Variants in NUP58 observed in about 807,000 individuals in gnomAD.
NUP58 encodes nucleoporin 58.
NUP58 carries 17 observed loss-of-function variants against 70.1 expected under a neutral mutation model. That is an observed-to-expected ratio of 0.24 (90% CI 0.17 to 0.36). The LOEUF is 0.36. Among genes scored for constraint, NUP58 ranks in the 10% least tolerant of loss-of-function variants. NUP58 has a pLI of 1.00. For missense variants in NUP58, 644 were observed against 701.5 expected, an observed-to-expected ratio of 0.92 and a Z score of 0.93; for synonymous variants, 275 against 257.6, an observed-to-expected ratio of 1.07 and a Z score of -0.65.
At chr13:25,336,889 C>T in intron 13 of NUP58, 47 bp from the exon 14 acceptor site, 1 of 1,197,902 alleles carries the variant, frequency 8.3e-7, no homozygotes, top group South Asian at 1.4e-5. Context: ...AAGAGTAAGG[C>T]AAATTTGTTT....
In NUP58 at chr13:25,341,028, C is replaced by T. The variant is rs1057415081; in HGVS notation, c.*894C>T. On this transcript the variant is annotated 3_prime_UTR_variant, in exon 16 of 16. Coordinates refer to ENST00000381736, the MANE Select transcript of NUP58 (RefSeq NM_014089.4). ...AGTTTTCACCTTTTAAGCTTCATAT[C>T]CTCAGTGCTTGTAGAATGATGAGCT... 7.2e-5 allele frequency: 11 copies of T among 152,168 alleles called. No individual in the cohort carries two copies. The highest frequency in any genetic ancestry group is 2.7e-4 in the African/African-American group (11 of 41,440). 9.4% of individuals were successfully genotyped at this position (152,168 alleles called of 1,614,324 possible).
At position 25,312,908 on chromosome 13, in the gene NUP58, T is replaced by C. The variant is rs2030742004; in HGVS notation, c.312T>C (p.Ala104=). The C allele has an allele frequency of 6.2e-7, 1 of 1,613,374 alleles. No homozygotes were observed. Among genetic ancestry groups the C allele is most frequent in the Non-Finnish European group, 8.5e-7 (1 of 1,179,620 alleles). Residue 104 remains alanine, a synonymous_variant, in exon 4 of 16, where the codon GCT becomes GCC. Coordinates refer to ENST00000381736, the MANE Select transcript of NUP58 (RefSeq NM_014089.4). ...TLGTPATTSA[A]TTGFSLGFNK... is the part of the protein sequence containing the mutation. ...GAACGCCAGCCACTACATCTGCAGC[T>C]ACAACAGGCTTCAGTTTAGGATTCA...
At chr13:25,346,450 G>C (rs912799036), downstream of NUP58, among the ~76,000 whole-genome samples, 1 of 152,066 alleles carries the variant, frequency 6.6e-6, no homozygotes, top group African/African-American at 2.4e-5. Flanking sequence ...GCCAGGCGTG[G>C]TGCTCATGCC....
At chr13:25,304,521 T>TATATATATGTGTA (rs1491553153) in intron 1 of NUP58, among the ~76,000 whole-genome samples, 15 of 53,394 alleles carry the variant, frequency 2.8e-4, no homozygotes, top group African/African-American at 8.6e-4. Context: ...TATATATGTA[T>TATATATATGTGTA]TTTTTTTTTT....
At chr13:25,303,061 A>G (rs2030111159) in intron 1 of NUP58, 1 of 456,462 alleles carries the variant, frequency 2.2e-6, no homozygotes, top group African/African-American at 2.0e-5. Flanking sequence ...AATAATTTTG[A>G]TTCTTGTCAG....
chr13:25,320,855 A>G, intron 8 of NUP58, 64 bp from the exon 9 acceptor site: 2 of 1,052,620 alleles, frequency 1.9e-6, no homozygotes, highest in Non-Finnish European at 2.7e-6. Context: ...TTAAGTATAT[A>G]TATATTTTGT....
intron 9 of NUP58, among the ~76,000 whole-genome samples, chr13:25,322,228 G>A (rs74042919): frequency 0.021 from 3,209 of 152,256 alleles, 127 homozygotes; most frequent in African/African-American, 0.074. Flanking sequence ...CTTCACAAAC[G>A]AAGTGGTAGT....
downstream of NUP58, among the ~76,000 whole-genome samples, chr13:25,345,325 CT>C (rs1194974570): frequency 2.0e-5 from 3 of 152,050 alleles, no homozygotes; most frequent in Non-Finnish European, 2.9e-5. Flanking sequence ...TCATGACTAA[CT>C]GAAAGGCACT....
At chr13:25,342,777 T>G (rs2031991336), downstream of NUP58, among the ~76,000 whole-genome samples, 1 of 152,164 alleles carries the variant, frequency 6.6e-6, no homozygotes, top group Non-Finnish European at 1.5e-5. Flanking sequence ...TTCTCTTTTC[T>G]TTTTCTTTTA....
At chr13:25,301,922 A>AC (rs1262569266) in intron 1 of NUP58, 42 bp downstream of exon 1, 1 of 1,211,216 alleles carries the variant, frequency 8.3e-7, no homozygotes. Flanking sequence ...ATTCACCCCC[A>AC]CCCCCACCCC....
downstream of NUP58, among the ~76,000 whole-genome samples, chr13:25,347,396 G>C (rs910001582): frequency 7.9e-5 from 12 of 152,158 alleles, no homozygotes; most frequent in African/African-American, 2.9e-4. Context: ...TCTTTTGCTA[G>C]GTGTCCTGCA....
intron 1 of NUP58, 27 bp from the exon 2 acceptor site, chr13:25,307,779 T>G (rs1462444723): frequency 6.2e-7 from 1 of 1,611,846 alleles, no homozygotes; most frequent in African/African-American, 1.3e-5. Context: ...ATGTGATTTT[T>G]GTTTTGTTTT....
intron 15 of NUP58, 160 bp downstream of exon 15, chr13:25,338,891 A>C (rs894660679): frequency 4.4e-5 from 22 of 500,594 alleles, no homozygotes; most frequent in South Asian, 3.0e-4. Context: ...ATTTTACTTT[A>C]TCTCTCTCAT....
chr13:25,328,312 C>T (rs2031478395), intron 12 of NUP58, among the ~76,000 whole-genome samples: 1 of 151,992 alleles, frequency 6.6e-6, no homozygotes, highest in Non-Finnish European at 1.5e-5. Flanking sequence ...AGCATTTCTC[C>T]CTTTTAAATA....
chr13:25,319,348 A>G lies in NUP58; in HGVS notation c.708A>G (p.Pro236=), dbSNP rs529204578. Residue 236 remains proline (P), a splice_region_variant and synonymous_variant, in exon 7 of 16, where the codon CCA becomes CCG. Transcript: ENST00000381736. ...TAGGTGATAAAACGGGAACAAGACCAGAGTAAGTTTACAAATTTACCCTTA... is the reference window on the plus strand; with the variant it reads ...TAGGTGATAAAACGGGAACAAGACCGGAGTAAGTTTACAAATTTACCCTTA... ...DKKSDKTGTR[P]EDSKALKDEN... 28 of 1,612,634 alleles carry G rather than the reference A, an allele frequency of 1.7e-5. No individual in the cohort carries two copies. In the East Asian group the frequency reaches 2.7e-4, roughly 15 times the overall value.
chr13:25,337,017 G>A lies in NUP58; in HGVS notation c.1517G>A (p.Gly506Asp), dbSNP rs1246552100. The change falls in exon 14 of 16, where the codon GGT (glycine) becomes GAT (aspartate). Residue 506 changes from glycine to aspartate, a missense_variant. Coordinates refer to ENST00000381736, the MANE Select transcript of NUP58 (RefSeq NM_014089.4). ...ACTGGCTTGCAATCAAGTGGCTTAG[G>A]TTCTTCAAACCTTGGAGGTACACTT... ...IGTGLQSSGL[G>D]SSNLGGFGTS... The A allele has an allele frequency of 6.2e-7, 1 of 1,603,262 alleles. No individual in the cohort carries two copies. The highest frequency in any genetic ancestry group is 8.5e-7 in the Non-Finnish European group (1 of 1,176,248).
At chr13:25,309,125 T>C (rs1243619494) in intron 2 of NUP58, 122 bp from the exon 3 acceptor site, 1 of 713,914 alleles carries the variant, frequency 1.4e-6, no homozygotes, top group African/African-American at 1.8e-5. Flanking sequence ...TGATATGTAT[T>C]GTTCTAATTA....
Position 25,326,901 on chromosome 13 carries a change from A to T in NUP58, c.1032-15A>T, listed in dbSNP as rs575823353. ...AAAAAAATATTTGATCTGACTTTTT[A>T]AATGTTTTTTAAAGCTACTTCAGAA... On this transcript the variant is annotated splice_polypyrimidine_tract_variant and intron_variant, in intron 10 of 15. Transcript: ENST00000381736. 1.4e-6 allele frequency: 2 copies of T among 1,435,316 alleles called. No individual in the cohort carries two copies. Among genetic ancestry groups the T allele is most frequent in the South Asian group, 1.2e-5 (1 of 80,420 alleles). 88.9% of individuals were successfully genotyped at this position (1,435,316 alleles called of 1,614,324 possible).
At chr13:25,302,853 A>G (rs1333595214) in intron 1 of NUP58, 1 of 413,878 alleles carries the variant, frequency 2.4e-6, no homozygotes. Context: ...TACCTCCGTT[A>G]TTCTTACTCT....
Sources: allele counts gnomAD v4.1 joint callset (sites outside exome capture counted in the v4.1 genomes callset), GRCh38; gene constraint gnomAD v4.1.1; transcripts MANE v1.5; gene names NCBI Gene and HGNC (gene_info 2026-07-23, HGNC 2026-07-21).